Variants in CNTN1 observed in about 807,000 individuals in gnomAD.
CNTN1 encodes the protein contactin 1.
A neutral mutation model predicts 126.4 loss-of-function variants in CNTN1; 38 were observed. That is an observed-to-expected ratio of 0.30 (90% CI 0.23 to 0.39). The LOEUF is 0.39. Among genes scored for constraint, CNTN1 ranks in the 10% least tolerant of loss-of-function variants. CNTN1 has a pLI of 1.00. For synonymous variants in CNTN1, 413 were observed against 422.6 expected, an observed-to-expected ratio of 0.98 and a Z score of 0.28; for missense variants, 1,009 against 1,248.4, an observed-to-expected ratio of 0.81 and a Z score of 2.89.
chr12:40,972,548 T>C (rs963960623), intron 15 of CNTN1: 3 of 778,318 alleles, frequency 3.9e-6, no homozygotes, highest in Admixed American at 6.3e-5. Flanking sequence ...TAAATTATTA[T>C]ATGTGTGTGT....
chr12:41,066,649 C>G (rs1265921634), intron 23 of CNTN1, among the ~76,000 whole-genome samples: 1 of 152,118 alleles, frequency 6.6e-6, no homozygotes, highest in African/African-American at 2.4e-5. Flanking sequence ...GCAGTAGAAA[C>G]AAAGACTGCA....
intron 15 of CNTN1, among the ~76,000 whole-genome samples, chr12:40,979,421 C>G (rs1008917797): frequency 1.1e-4 from 17 of 151,886 alleles, no homozygotes; most frequent in African/African-American, 4.1e-4. Flanking sequence ...CTAAGCAACC[C>G]AACTGATATA....
At chr12:40,744,800 A>T (rs1938111977) in intron 1 of CNTN1, among the ~76,000 whole-genome samples, 2 of 152,108 alleles carry the variant, frequency 1.3e-5, no homozygotes, top group Middle Eastern at 3.2e-3. Context: ...ATATATTGGG[A>T]AGGGAGATCT....
chr12:40,928,511 G>A (rs1945772506), intron 6 of CNTN1, among the ~76,000 whole-genome samples: 1 of 152,004 alleles, frequency 6.6e-6, no homozygotes, highest in African/African-American at 2.4e-5. Context: ...CCGTAATTCT[G>A]AGTTAGAGGC....
intron 17 of CNTN1, among the ~76,000 whole-genome samples, chr12:40,994,784 G>C (rs10506180): frequency 0.27 from 40,514 of 151,704 alleles, 5,606 homozygotes; most frequent in South Asian, 0.34. Flanking sequence ...TTAGTGTTTA[G>C]GTCATATCTA....
intron 1 of CNTN1, among the ~76,000 whole-genome samples, chr12:40,837,679 G>C (rs1234381418): frequency 6.6e-6 from 1 of 152,188 alleles, no homozygotes; most frequent in Admixed American, 6.5e-5. Context: ...AACTTGGGCT[G>C]TCCCTGATGG....
At chr12:40,839,377 G>T (rs7311456) in intron 1 of CNTN1, among the ~76,000 whole-genome samples, 1 of 151,976 alleles carries the variant, frequency 6.6e-6, no homozygotes, top group African/African-American at 2.4e-5. Context: ...AATGATAGAT[G>T]AAAATTTCCC....
intron 16 of CNTN1, 34 bp from the exon 17 acceptor site, chr12:40,993,086 C>G (rs1370333279): frequency 1.3e-6 from 2 of 1,579,912 alleles, no homozygotes; most frequent in Admixed American, 3.3e-5. Flanking sequence ...AGTTAATCAA[C>G]CTGTATTCTC....
chr12:40,707,434 A>C (rs1016235707), intron 1 of CNTN1, among the ~76,000 whole-genome samples: 1 of 151,342 alleles, frequency 6.6e-6, no homozygotes, highest in Admixed American at 6.6e-5. Context: ...TGTATTTTTT[A>C]GTAGAGACGG....
chr12:40,693,782 C>T (rs1941369680), intron 1 of CNTN1, among the ~76,000 whole-genome samples: 2 of 151,952 alleles, frequency 1.3e-5, no homozygotes, highest in South Asian at 4.1e-4. Context: ...ACTGAGTGGG[C>T]GGGGCAAAAG....
chr12:40,766,444 C>T (rs1939097151), intron 1 of CNTN1, among the ~76,000 whole-genome samples: 1 of 151,808 alleles, frequency 6.6e-6, no homozygotes, highest in Admixed American at 6.6e-5. Context: ...AGAGGCAGAG[C>T]ATTTAATGAA....
intron 1 of CNTN1, among the ~76,000 whole-genome samples, chr12:40,847,224 A>G (rs1942543689): frequency 6.6e-6 from 1 of 152,030 alleles, no homozygotes; most frequent in African/African-American, 2.4e-5. Flanking sequence ...ATCTTAAGCA[A>G]TCTTTAAAGG....
At chr12:40,752,668 G>A (rs1326310790) in intron 1 of CNTN1, among the ~76,000 whole-genome samples, 1 of 151,970 alleles carries the variant, frequency 6.6e-6, no homozygotes, top group Non-Finnish European at 1.5e-5. Flanking sequence ...ATTCCAGGAA[G>A]TTTCCATAAT....
chr12:40,801,660 G>A (rs908264852), intron 1 of CNTN1, among the ~76,000 whole-genome samples: 2 of 151,832 alleles, frequency 1.3e-5, no homozygotes, highest in Non-Finnish European at 2.9e-5. Flanking sequence ...CTGGAATGTG[G>A]TGAAGGAGGG....
chr12:41,028,520 G>A (rs559075581), intron 22 of CNTN1, among the ~76,000 whole-genome samples: 91 of 152,248 alleles, frequency 6.0e-4, no homozygotes, highest in African/African-American at 2.1e-3. Flanking sequence ...GAGAGAGAAC[G>A]AAACTATTTT....
intron 6 of CNTN1, among the ~76,000 whole-genome samples, chr12:40,924,879 A>AATATATATATATAT (rs1297006824): frequency 1.8e-5 from 1 of 54,306 alleles, no homozygotes; most frequent in Non-Finnish European, 3.8e-5. Flanking sequence ...TTAGTTTATA[A>AATATATATATATAT]ACATATATAT....
chr12:41,054,464 A>G (rs1005484806), intron 23 of CNTN1, among the ~76,000 whole-genome samples: 8 of 152,034 alleles, frequency 5.3e-5, no homozygotes, highest in Non-Finnish European at 8.8e-5. Flanking sequence ...AAATATGATT[A>G]GAGTATCTGC....
At chr12:40,718,522 T>G (rs1275608377) in intron 1 of CNTN1, among the ~76,000 whole-genome samples, 1 of 152,066 alleles carries the variant, frequency 6.6e-6, no homozygotes, top group African/African-American at 2.4e-5. Context: ...AGGCTTCCAG[T>G]CAACACTGGG....
At chr12:40,928,559 G>C (rs974129629) in intron 6 of CNTN1, among the ~76,000 whole-genome samples, 1 of 151,954 alleles carries the variant, frequency 6.6e-6, no homozygotes, top group African/African-American at 2.4e-5. Context: ...CTTTTTATCT[G>C]TATTCTGTTT....
Sources: gnomAD v4.1 joint callset for allele counts (sites outside exome capture counted in the v4.1 genomes callset) on GRCh38, gnomAD v4.1.1 for gene constraint, MANE v1.5 for transcripts, NCBI Gene and HGNC (gene_info 2026-07-23, HGNC 2026-07-21) for gene names.